Variants in PEX5L observed in about 807,000 individuals in gnomAD.
The protein encoded by PEX5L is peroxisomal biogenesis factor 5 like, also known as PEX5-related protein.
In PEX5L, 30 loss-of-function variants were observed where a neutral mutation model predicts 84.0. That is an observed-to-expected ratio of 0.36 (90% confidence interval 0.27 to 0.48). The LOEUF (loss-of-function observed/expected upper bound fraction) is 0.48, where lower values mean the gene tolerates loss of function less well. Among genes scored for constraint, PEX5L ranks in the 20% least tolerant of loss-of-function variants. PEX5L has a pLI of 0.99. For synonymous variants in PEX5L, 270 were observed against 283.1 expected, an observed-to-expected ratio of 0.95 and a Z score of 0.46; for missense variants, 533 against 754.6, an observed-to-expected ratio of 0.71 and a Z score of 3.44.
At chr3:179,854,478 T>C (rs1743147401) in intron 8 of PEX5L, among the ~76,000 whole-genome samples, 1 of 152,144 alleles carries the variant, frequency 6.6e-6, no homozygotes, top group African/African-American at 2.4e-5. Context: ...CCTGCATTCT[T>C]ATAAATGTGT....
At chr3:179,869,788 T>C (rs1265166713) in intron 7 of PEX5L, among the ~76,000 whole-genome samples, 1 of 152,228 alleles carries the variant, frequency 6.6e-6, no homozygotes, top group Non-Finnish European at 1.5e-5. Flanking sequence ...AATTTAGCAG[T>C]GTGCCCAGAC....
intron 10 of PEX5L, among the ~76,000 whole-genome samples, chr3:179,813,657 T>C (rs1165857045): frequency 2.3e-5 from 3 of 131,870 alleles, no homozygotes; most frequent in African/African-American, 8.8e-5. Flanking sequence ...GCCATCCCAC[T>C]CAACTAATTT....
intron 1 of PEX5L, among the ~76,000 whole-genome samples, chr3:179,995,130 CTATA>C: frequency 6.9e-6 from 1 of 145,716 alleles, no homozygotes; most frequent in Admixed American, 6.9e-5. Flanking sequence ...TATATATACA[CTATA>C]TATACACACA....
chr3:179,871,863 T>TCA (rs1750522562), intron 7 of PEX5L, among the ~76,000 whole-genome samples: 2 of 152,224 alleles, frequency 1.3e-5, no homozygotes, highest in South Asian at 4.1e-4. Context: ...GTAACTCTGT[T>TCA]AAGTTTAATT....
At position 179,839,046 on chromosome 3, in the gene PEX5L, A is replaced by C. The variant is rs905671229; in HGVS notation, c.823-19070T>G. ...TTTCTCATTTGAGAAAGAAAAAAAA[A>C]ATCTATTTTTTTTTCGGTAGAAAGA... On this transcript the variant is annotated intron_variant, in intron 8 of 14. Coordinates refer to ENST00000467460, the MANE Select transcript of PEX5L (RefSeq NM_016559.3). Among the ~76,000 whole-genome samples, 23 of 152,152 alleles carry C rather than the reference A, an allele frequency of 1.5e-4. 1 individual carries two copies. The highest frequency in any genetic ancestry group is 3.4e-3 in the Middle Eastern group (1 of 292).
chr3:180,036,765 G>C lies in PEX5L; in HGVS notation c.-166C>G. ...TCGGCCGGCCGGCGGCCACTCGGCA[G>C]CGCTGCGGGCTGCCGGGAACTGTTC... On this transcript the variant is annotated 5_prime_UTR_variant, in exon 1 of 15. Coordinates refer to ENST00000467460, the MANE Select transcript of PEX5L (RefSeq NM_016559.3). The C allele has an allele frequency of 1.4e-6, 1 of 708,816 alleles. No homozygotes were observed. The highest frequency in any genetic ancestry group is 2.6e-6 in the Non-Finnish European group (1 of 390,468). 43.9% of individuals were successfully genotyped at this position (708,816 alleles called of 1,614,324 possible).
At chr3:180,012,777 T>C (rs1789599718) in intron 1 of PEX5L, among the ~76,000 whole-genome samples, 1 of 152,056 alleles carries the variant, frequency 6.6e-6, no homozygotes, top group Non-Finnish European at 1.5e-5. Context: ...CCTATGATAA[T>C]CCATTTTTAA....
chr3:179,999,421 C>G (rs993181912), intron 1 of PEX5L, among the ~76,000 whole-genome samples: 3 of 152,186 alleles, frequency 2.0e-5, no homozygotes, highest in Non-Finnish European at 4.4e-5. Flanking sequence ...TGGAGTTACA[C>G]ATGGGCTCAG....
chr3:179,928,096 C>T (rs1053208874), intron 2 of PEX5L, among the ~76,000 whole-genome samples: 11 of 152,142 alleles, frequency 7.2e-5, no homozygotes, highest in Non-Finnish European at 1.6e-4. Flanking sequence ...TCAGTGGGTC[C>T]AGGGACTATC....
chr3:179,982,896 T>C (rs762620372), intron 1 of PEX5L, among the ~76,000 whole-genome samples: 4 of 152,106 alleles, frequency 2.6e-5, no homozygotes, highest in Non-Finnish European at 5.9e-5. Context: ...AAAGCCTTTT[T>C]AAATGATCAA....
chr3:179,827,624 TTTTACTAC>T (rs2109063940), intron 8 of PEX5L, among the ~76,000 whole-genome samples: 2 of 152,280 alleles, frequency 1.3e-5, no homozygotes, highest in South Asian at 4.1e-4. Context: ...TTGGAACATC[TTTTACTAC>T]TTTAGGCCAG....
chr3:179,807,975 A>C, intron 13 of PEX5L, 144 bp from the exon 14 acceptor site: 1 of 731,050 alleles, frequency 1.4e-6, no homozygotes, highest in Non-Finnish European at 2.2e-6. Context: ...GAATTACTAA[A>C]AAATCTTCAC....
At chr3:180,035,185 T>C (rs532212456) in intron 1 of PEX5L, among the ~76,000 whole-genome samples, 1 of 152,294 alleles carries the variant, frequency 6.6e-6, no homozygotes, top group Admixed American at 6.5e-5. Flanking sequence ...ACAGATAATA[T>C]ATAAAATTGT....
chr3:179,888,997 G>T (rs368767481), intron 3 of PEX5L, among the ~76,000 whole-genome samples: 8 of 152,090 alleles, frequency 5.3e-5, no homozygotes, highest in East Asian at 1.9e-4. Flanking sequence ...GGCTGGTCTT[G>T]AACTCCTGGG....
At chr3:179,981,289 G>A (rs925176264) in intron 1 of PEX5L, among the ~76,000 whole-genome samples, 39 of 152,140 alleles carry the variant, frequency 2.6e-4, no homozygotes, top group African/African-American at 9.4e-4. Context: ...AGCCATTGCG[G>A]GGTTTTAAGC....
chr3:179,946,896 G>A (rs1053922831), intron 2 of PEX5L, among the ~76,000 whole-genome samples: 1 of 152,182 alleles, frequency 6.6e-6, no homozygotes, highest in Non-Finnish European at 1.5e-5. Flanking sequence ...CACTATACAT[G>A]GATTTTTTGC....
chr3:180,002,946 T>A (rs1788556157), intron 1 of PEX5L, among the ~76,000 whole-genome samples: 1 of 152,146 alleles, frequency 6.6e-6, no homozygotes, highest in Non-Finnish European at 1.5e-5. Context: ...CATAGCTTGT[T>A]AAATTTGGAG....
At chr3:179,886,570 T>C (rs1755934974) in intron 4 of PEX5L, among the ~76,000 whole-genome samples, 1 of 152,156 alleles carries the variant, frequency 6.6e-6, no homozygotes, top group Admixed American at 6.5e-5. Flanking sequence ...GATCTTACTA[T>C]TATCAGACAA....
chr3:180,009,391 A>G (rs991237524), intron 1 of PEX5L, among the ~76,000 whole-genome samples: 4 of 152,210 alleles, frequency 2.6e-5, no homozygotes, highest in Non-Finnish European at 5.9e-5. Context: ...CTACTCTCTT[A>G]TCACTTATTA....
Sources: gnomAD v4.1 joint callset for allele counts (sites outside exome capture counted in the v4.1 genomes callset) on GRCh38, gnomAD v4.1.1 for gene constraint, MANE v1.5 for transcripts, NCBI Gene and HGNC (gene_info 2026-07-23, HGNC 2026-07-21) for gene names.